The following SLFN12L variants were observed in gnomAD, a reference collection of about 807,000 sequenced individuals.
The protein encoded by SLFN12L is schlafen family member 12-like.
In SLFN12L, 34 loss-of-function variants were observed where a neutral mutation model predicts 34.8. That is an observed-to-expected ratio of 0.98 (90% CI 0.74 to 1.30). The LOEUF (loss-of-function observed/expected upper bound fraction) is 1.30, where lower values mean the gene tolerates loss of function less well. SLFN12L is among the 50% of genes most tolerant of loss of function. The probability of loss-of-function intolerance (pLI) is 0.00; values close to 1 mark genes in which losing one functional copy is unlikely to be tolerated. For synonymous variants in SLFN12L, 259 were observed against 247.5 expected (o/e 1.05, Z -0.44); for missense variants, 703 against 696.2 (o/e 1.01, Z -0.11).
Position 35,475,347 on chromosome 17 carries a change from G to C in SLFN12L, c.1415C>G (p.Ser472Cys). Residue 472 changes from serine (S) to cysteine (C), a missense_variant, in exon 5 of 5, where the codon TCT becomes TGT. Transcript: ENST00000628453. ...KGSLIFSRSW[S>C]LDLGLQENHK... is the part of the protein sequence containing the mutation. ...GTTCTCTTGCAAGCCCAGATCCAAA[G>C]ACCAGCTCCTAGAGAAGATCAGTGA... The C allele has an allele frequency of 6.2e-7, 1 of 1,614,184 alleles. No individual in the cohort carries two copies. The highest frequency in any genetic ancestry group is 2.2e-5 in the East Asian group (1 of 44,884).
At chr17:35,498,323 A>G in intron 2 of SLFN12L, 1 of 884,020 alleles carries the variant, frequency 1.1e-6, no homozygotes, top group Non-Finnish European at 1.9e-6. Context: ...TGCGGCTGCC[A>G]CAGACTGCTG....
rs1201906624 is a variant in SLFN12L at position 35,467,163 on chromosome 17, C to T, written c.*7760G>A. Among the ~76,000 whole-genome samples the T allele has an allele frequency of 6.6e-6, 1 of 152,228 alleles. No individual in the cohort carries two copies. The highest frequency in any genetic ancestry group is 1.5e-5 in the Non-Finnish European group (1 of 68,040). On this transcript the variant is annotated 3_prime_UTR_variant, in exon 5 of 5. Transcript: ENST00000628453. ...CCAGACCCCTTGGTTACCTGGAAAG[C>T]TCCTTTGGATTGACTGAGTGAACAG...
chr17:35,513,307 C>T (rs1225197104), intron 2 of SLFN12L, among the ~76,000 whole-genome samples: 1 of 152,026 alleles, frequency 6.6e-6, no homozygotes, highest in Non-Finnish European at 1.5e-5. Context: ...TGTGACTTGC[C>T]CGAGGCTGTG....
chr17:35,534,343 A>T (rs1267908166), intron 1 of SLFN12L, among the ~76,000 whole-genome samples: 1 of 152,246 alleles, frequency 6.6e-6, no homozygotes, highest in Non-Finnish European at 1.5e-5. Flanking sequence ...GCCTGGCAAC[A>T]GAGCAAGACT....
Position 35,478,168 on chromosome 17 carries a change from AG to A in SLFN12L, c.1182del (p.Ser395LeufsTer26), listed in dbSNP as rs1567644645. 1.3e-6 allele frequency: 2 copies of A among 1,540,752 alleles called. No homozygotes were observed. The highest frequency in any genetic ancestry group is 1.8e-6 in the Non-Finnish European group (2 of 1,138,186). On this transcript the variant is annotated frameshift_variant, in exon 4 of 5. Transcript: ENST00000628453. LOFTEE classifies it high-confidence loss of function. ...ACAGGTGATGATGTACTTGCTGGAG[AG>A]GGCAGTTCCTCACATACTATGGAAT... The part of the protein sequence containing the change: ...VDSEPVCEEL[P>X]SPASTSSPVS...
Position 35,464,812 on chromosome 17 carries a change from A to G in SLFN12L, c.*10111T>C, listed in dbSNP as rs568342767. The G allele has an allele frequency of 2.6e-5, 4 of 152,334 alleles. No individual in the cohort carries two copies. In the South Asian group the frequency reaches 6.2e-4, roughly 24 times the overall value. 9.4% of individuals were successfully genotyped at this position (152,334 alleles called of 1,614,324 possible). ...CGAAAATTTGTATACCAAAGAATTT[A>G]TATAACAAAAAGATAGCTAAGGTCG... On this transcript the variant is annotated 3_prime_UTR_variant, in exon 5 of 5. Coordinates refer to ENST00000628453, the MANE Select transcript of SLFN12L (RefSeq NM_001363830.2).
At position 35,479,177 on chromosome 17, in the gene SLFN12L, T is replaced by C. The variant is rs1207340331; in HGVS notation, c.1105A>G (p.Asn369Asp). The C allele has an allele frequency of 1.9e-6, 3 of 1,577,484 alleles. No individual in the cohort carries two copies. The highest frequency in any genetic ancestry group is 2.6e-6 in the Non-Finnish European group (3 of 1,159,958). Residue 369 changes from asparagine (N) to aspartate (D), a missense_variant, in exon 3 of 5, where the codon AAC (asparagine) becomes GAC (aspartate). Asn to Asp is a conservative substitution (Grantham distance 23, BLOSUM62 1). Coordinates refer to ENST00000628453, the MANE Select transcript of SLFN12L (RefSeq NM_001363830.2). ...KKPDSWHVKD[N>D]RVKQLTEKEW... ...TTCTCGGTCAACTGCTTAACTCTGT[T>C]ATCTTTCACGTGCCAGGAATCAGGC...
At chr17:35,527,381 A>G (rs563127357) in intron 1 of SLFN12L, among the ~76,000 whole-genome samples, 1 of 152,222 alleles carries the variant, frequency 6.6e-6, no homozygotes, top group South Asian at 2.1e-4. Flanking sequence ...TCATCCTGAT[A>G]CCAAAACCTG....
chr17:35,508,793 C>CTTTTTTTTTTTTTTTTTT, intron 2 of SLFN12L, among the ~76,000 whole-genome samples: 1 of 151,958 alleles, frequency 6.6e-6, no homozygotes, highest in African/African-American at 2.4e-5. Context: ...CCTGCATTTT[C>CTTTTTTTTTTTTTTTTTT]TTTCAGTTTT....
At chr17:35,490,645 C>T in intron 2 of SLFN12L, 1 of 918,490 alleles carries the variant, frequency 1.1e-6, no homozygotes, top group Admixed American at 1.8e-5. Flanking sequence ...ATTAGATGAA[C>T]TGATCCCAAG....
In SLFN12L at chr17:35,469,118, C is replaced by A. The variant is rs1251506776; in HGVS notation, c.*5805G>T. ...CACTGGGAAGAGGACCACTAACTCC[C>A]CAGTGCCTACCCCTACTACCCCCTC... On this transcript the variant is annotated 3_prime_UTR_variant, in exon 5 of 5. Coordinates refer to ENST00000628453, the MANE Select transcript of SLFN12L (RefSeq NM_001363830.2). 6.6e-6 allele frequency among the ~76,000 whole-genome samples: 1 copy of A among 151,126 alleles called. No individual in the cohort carries two copies. The highest frequency in any genetic ancestry group is 1.9e-4 in the East Asian group (1 of 5,154).
intron 1 of SLFN12L, among the ~76,000 whole-genome samples, chr17:35,536,940 C>T (rs1291099020): frequency 6.6e-6 from 1 of 151,994 alleles, no homozygotes; most frequent in African/African-American, 2.4e-5. Context: ...CATTGGGAGG[C>T]CAAGGTGGGA....
chr17:35,497,165 C>A (rs1002749984), intron 2 of SLFN12L, among the ~76,000 whole-genome samples: 1 of 152,116 alleles, frequency 6.6e-6, no homozygotes, highest in African/African-American at 2.4e-5. Context: ...CCGAAGCGGG[C>A]GGATCACCTT....
chr17:35,502,547 G>A (rs1426446248), intron 2 of SLFN12L, among the ~76,000 whole-genome samples: 1 of 151,442 alleles, frequency 6.6e-6, no homozygotes, highest in African/African-American at 2.4e-5. Flanking sequence ...AGACCTAGGA[G>A]GAACTCCCTT....
chr17:35,467,305 T>G lies in SLFN12L; in HGVS notation c.*7618A>C, dbSNP rs1351110757. 6.6e-6 allele frequency among the ~76,000 whole-genome samples: 1 copy of G among 152,230 alleles called. No individual in the cohort carries two copies. Among genetic ancestry groups the G allele is most frequent in the Non-Finnish European group, 1.5e-5 (1 of 68,044 alleles). On this transcript the variant is annotated 3_prime_UTR_variant, in exon 5 of 5. Transcript: ENST00000628453. ...CCAACAAATGGCCCCATCTCCATAT[T>G]CCTTTTGAACAATTGAGCCATTGCC...
chr17:35,533,262 CTTCTCAATTGTTGAAATTGCTCTCAA>C (rs2072428383), intron 1 of SLFN12L, among the ~76,000 whole-genome samples: 1 of 152,170 alleles, frequency 6.6e-6, no homozygotes, highest in African/African-American at 2.4e-5. Context: ...GAACTAGGTA[CTTCTCAATTGTTGAAATTGCTCTCAA>C]TTCATACTTA....
rs145236395 is a variant in SLFN12L at position 35,520,083 on chromosome 17, G to A, written c.86+2196C>T. On this transcript the variant is annotated intron_variant, in intron 2 of 4. Transcript: ENST00000628453. Reference sequence around the variant, plus strand: ...CCTTGACAGGCAAGAATTGAGTCACGCGTCCCTACACTTAAAGAATAAACT... The same window carrying A: ...CCTTGACAGGCAAGAATTGAGTCACACGTCCCTACACTTAAAGAATAAACT... Among the ~76,000 whole-genome samples, 16 of 151,890 alleles carry A rather than the reference G, an allele frequency of 1.1e-4. No homozygotes were observed. In the East Asian group the frequency reaches 2.7e-3, roughly 26 times the overall value.
intron 2 of SLFN12L, among the ~76,000 whole-genome samples, chr17:35,508,512 AATT>A (rs1915538756): frequency 6.6e-6 from 1 of 152,006 alleles, no homozygotes; most frequent in South Asian, 2.1e-4. Flanking sequence ...ATGCTGAGCC[AATT>A]ATTTTTGTAT....
At chr17:35,529,089 A>G (rs1447485787) in intron 1 of SLFN12L, among the ~76,000 whole-genome samples, 1 of 152,230 alleles carries the variant, frequency 6.6e-6, no homozygotes, top group Non-Finnish European at 1.5e-5. Flanking sequence ...CAAACATATG[A>G]AAAAAAGCTC....
Sources: gnomAD v4.1 joint callset for allele counts (sites outside exome capture counted in the v4.1 genomes callset) on GRCh38, gnomAD v4.1.1 for gene constraint, MANE v1.5 for transcripts, NCBI Gene and HGNC (gene_info 2026-07-23, HGNC 2026-07-21) for gene names.